Variants in PTPRN2 observed in about 807,000 individuals in gnomAD.
PTPRN2 encodes the protein receptor-type tyrosine-protein phosphatase N2.
PTPRN2 carries 74 observed loss-of-function variants against 118.8 expected under a neutral mutation model. The ratio of observed to expected loss-of-function variants is 0.62; its 90% CI spans 0.52 to 0.76. The LOEUF is 0.76. Ranked by LOEUF, PTPRN2 falls within the 30% of genes least tolerant of loss-of-function variation. PTPRN2 has a pLI of 0.00. For missense variants in PTPRN2, 1,481 were observed against 1,394.4 expected, an observed-to-expected ratio of 1.06 and a Z score of -0.99; for synonymous variants, 641 against 608.0, an observed-to-expected ratio of 1.05 and a Z score of -0.80.
intron 12 of PTPRN2, among the ~76,000 whole-genome samples, chr7:157,698,720 T>C (rs551077826): frequency 6.6e-6 from 1 of 152,370 alleles, no homozygotes; most frequent in Admixed American, 6.5e-5. Context: ...GTCTAGATTC[T>C]AGTATAGAGG....
intron 4 of PTPRN2, among the ~76,000 whole-genome samples, chr7:158,204,446 G>C (rs913430908): frequency 2.0e-5 from 3 of 152,208 alleles, no homozygotes; most frequent in Admixed American, 6.5e-5. Context: ...TGTGTTACTG[G>C]AATCTTTCTA....
intron 14 of PTPRN2, among the ~76,000 whole-genome samples, chr7:157,644,177 T>C (rs1804879565): frequency 6.6e-6 from 1 of 152,196 alleles, no homozygotes; most frequent in African/African-American, 2.4e-5. Flanking sequence ...ATGAGGCCAC[T>C]GGGGTTGGCC....
chr7:157,875,750 G>C (rs1348034329), intron 12 of PTPRN2, among the ~76,000 whole-genome samples: 1 of 151,720 alleles, frequency 6.6e-6, no homozygotes, highest in Non-Finnish European at 1.5e-5. Context: ...CGGGGCTGCA[G>C]AGGGTCAGGA....
At chr7:157,658,337 G>C (rs115237719) in intron 13 of PTPRN2, among the ~76,000 whole-genome samples, 2 of 152,178 alleles carry the variant, frequency 1.3e-5, no homozygotes, top group Admixed American at 1.3e-4. Context: ...AAATGGAGCC[G>C]TGCGGGAGAC....
intron 17 of PTPRN2, among the ~76,000 whole-genome samples, chr7:157,588,517 A>G (rs937654179): frequency 2.6e-5 from 4 of 152,174 alleles, no homozygotes; most frequent in Non-Finnish European, 4.4e-5. Flanking sequence ...GCACCAGGAC[A>G]TGACTGGGCT....
At position 157,551,822 on chromosome 7, in the gene PTPRN2, C is replaced by T. The variant is rs190145575; in HGVS notation, c.2903-2803G>A. Among the ~76,000 whole-genome samples, 1,232 of 143,478 alleles carry T rather than the reference C, an allele frequency of 8.6e-3. 11 individuals carry two copies. Among genetic ancestry groups the T allele is most frequent in the African/African-American group, 0.024 (919 of 38,072 alleles). The allele number at this position is 143,478 out of a possible 152,430, so 94.1% of individuals were successfully genotyped here. ...GCCACCACGCACCCCACAGCCAGCA[C>T]GCATCCCACAGCCACCACACACCCC... On this transcript the variant is annotated intron_variant, in intron 21 of 22. Transcript: ENST00000389418.
At chr7:157,996,397 C>G (rs1156697489) in intron 11 of PTPRN2, among the ~76,000 whole-genome samples, 1 of 152,208 alleles carries the variant, frequency 6.6e-6, no homozygotes, top group Non-Finnish European at 1.5e-5. Context: ...GTAGTAAGAC[C>G]GCACTTGGAC....
At chr7:157,866,388 G>A (rs1028950471) in intron 12 of PTPRN2, among the ~76,000 whole-genome samples, 10 of 151,734 alleles carry the variant, frequency 6.6e-5, no homozygotes, top group African/African-American at 1.7e-4. Context: ...GCACACACAC[G>A]TCCACATGTA....
At chr7:157,551,535 ACACCCCACAGCCACCACACACCCCACG>A (rs1798601924) in intron 21 of PTPRN2, among the ~76,000 whole-genome samples, 1 of 123,120 alleles carries the variant, frequency 8.1e-6, no homozygotes, top group Non-Finnish European at 1.7e-5. Context: ...CACACCCCAC[ACACCCCACAGCCACCACACACCCCACG>A]CACCCCACAG....
At chr7:158,476,412 G>A (rs1037121178) in intron 2 of PTPRN2, among the ~76,000 whole-genome samples, 32 of 152,356 alleles carry the variant, frequency 2.1e-4, no homozygotes, top group African/African-American at 7.5e-4. Context: ...ACGCCGATGC[G>A]CACAGCTGTC....
chr7:158,276,968 GA>G (rs1269029568), intron 3 of PTPRN2, among the ~76,000 whole-genome samples: 3 of 152,166 alleles, frequency 2.0e-5, no homozygotes, highest in African/African-American at 7.2e-5. Flanking sequence ...ACAGCGGGGT[GA>G]GGACCGGGCT....
intron 6 of PTPRN2, among the ~76,000 whole-genome samples, chr7:158,159,326 C>T (rs1822150519): frequency 1.3e-5 from 2 of 152,248 alleles, no homozygotes; most frequent in African/African-American, 4.8e-5. Context: ...GTGCACTTCC[C>T]ACATGAACAC....
intron 3 of PTPRN2, among the ~76,000 whole-genome samples, chr7:158,263,107 CACACACT>C (rs1797629280): frequency 1.7e-5 from 1 of 59,398 alleles, no homozygotes; most frequent in Non-Finnish European, 3.7e-5. Flanking sequence ...ACACTGCACA[CACACACT>C]GCACACACAT....
intron 3 of PTPRN2, among the ~76,000 whole-genome samples, chr7:158,246,721 G>A (rs1463518376): frequency 6.6e-6 from 1 of 152,032 alleles, no homozygotes; most frequent in Non-Finnish European, 1.5e-5. Flanking sequence ...CGACCAATGT[G>A]TGGGAGGGCT....
chr7:158,414,476 C>T (rs1442495872), intron 2 of PTPRN2, among the ~76,000 whole-genome samples: 1 of 50,052 alleles, frequency 2.0e-5, no homozygotes, highest in Non-Finnish European at 5.7e-5. Flanking sequence ...GATTTCACTA[C>T]AGTAATTGCA....
rs145841078 is a variant in PTPRN2, at chr7:157,595,641, T to A, written c.2419-326A>T. ...GAAGCCAGGAGGTTAGGAAGCCTGGTGGTTAGGAAGCCCGGAAGTTAGGGA... is the reference window on the plus strand; with the variant it reads ...GAAGCCAGGAGGTTAGGAAGCCTGGAGGTTAGGAAGCCCGGAAGTTAGGGA... On this transcript the variant is annotated intron_variant, in intron 16 of 22. Transcript: ENST00000389418. 2.4e-3 allele frequency among the ~76,000 whole-genome samples: 314 copies of A among 130,302 alleles called. 3 individuals are homozygous for A. The highest frequency in any genetic ancestry group is 7.5e-3 in the African/African-American group (269 of 35,880). 85.5% of individuals were successfully genotyped at this position (130,302 alleles called of 152,430 possible).
chr7:157,545,152 G>A (rs532823332), intron 22 of PTPRN2, among the ~76,000 whole-genome samples: 2 of 150,502 alleles, frequency 1.3e-5, no homozygotes, highest in Admixed American at 6.6e-5. Flanking sequence ...CAGGTGTGTG[G>A]GTGTGTGCAG....
chr7:158,098,872 A>T (rs1259096608), intron 10 of PTPRN2, among the ~76,000 whole-genome samples: 1 of 151,884 alleles, frequency 6.6e-6, no homozygotes, highest in African/African-American at 2.4e-5. Context: ...GCCGGAGAAG[A>T]TGGTAGAAGG....
At chr7:158,249,049 A>G (rs972194162) in intron 3 of PTPRN2, among the ~76,000 whole-genome samples, 1 of 151,628 alleles carries the variant, frequency 6.6e-6, no homozygotes, top group South Asian at 2.1e-4. Context: ...CATGCCACAC[A>G]CGTGCACCCA....
Sources: gnomAD v4.1 joint callset for allele counts (sites outside exome capture counted in the v4.1 genomes callset) on GRCh38, gnomAD v4.1.1 for gene constraint, MANE v1.5 for transcripts, NCBI Gene and HGNC (gene_info 2026-07-23, HGNC 2026-07-21) for gene names.